The following PTPN14 variants were observed in gnomAD, a reference collection of about 807,000 sequenced individuals.
PTPN14 encodes protein tyrosine phosphatase non-receptor type 14, also known as tyrosine-protein phosphatase non-receptor type 14.
PTPN14 carries 53 observed loss-of-function variants against 126.8 expected under a neutral mutation model. That is an observed-to-expected ratio of 0.42 (90% CI 0.34 to 0.53). The LOEUF (loss-of-function observed/expected upper bound fraction) is 0.53. PTPN14 is among the 20% of genes least tolerant of loss of function. The pLI is 0.08. For missense variants in PTPN14, 1,257 were observed against 1,552.9 expected, an observed-to-expected ratio of 0.81 and a Z score of 3.20; for synonymous variants, 630 against 599.3, an observed-to-expected ratio of 1.05 and a Z score of -0.75.
chr1:214,483,406 G>A (rs1164757615), intron 1 of PTPN14: 45 of 1,566,140 alleles, frequency 2.9e-5, no homozygotes, highest in East Asian at 4.5e-5. Context: ...CAGGCCGACC[G>A]GGTGGGCACT....
chr1:214,428,777 A>C (rs1659734133), intron 3 of PTPN14, among the ~76,000 whole-genome samples: 1 of 152,208 alleles, frequency 6.6e-6, no homozygotes, highest in Admixed American at 6.5e-5. Flanking sequence ...GCCCAAATAA[A>C]GGGTATTTCC....
chr1:214,396,289 G>A (rs1422207745), intron 8 of PTPN14, among the ~76,000 whole-genome samples: 3 of 152,126 alleles, frequency 2.0e-5, no homozygotes, highest in African/African-American at 7.2e-5. Context: ...GGATGGATGA[G>A]CTCTTTACCT....
chr1:214,372,704 C>G lies in PTPN14; in HGVS notation c.3036+7G>C, dbSNP rs1658247200. The G allele has an allele frequency of 6.2e-7, 1 of 1,614,038 alleles. No homozygotes were observed. The highest frequency in any genetic ancestry group is 8.5e-7 in the Non-Finnish European group (1 of 1,179,968). On this transcript the variant is annotated splice_region_variant and intron_variant, in intron 16 of 18. Transcript: ENST00000366956. ...AAAAAGGATGTGGAGTAGGCCATTC[C>G]CCTTACCTCCTCTGCAGTGACCATG...
chr1:214,464,113 T>C (rs537356223), intron 2 of PTPN14, among the ~76,000 whole-genome samples: 2 of 151,228 alleles, frequency 1.3e-5, no homozygotes, highest in Non-Finnish European at 2.9e-5. Flanking sequence ...ACCTCTGTTT[T>C]ACAGGCTCCC....
chr1:214,385,699 T>C (rs1162855047), intron 12 of PTPN14, among the ~76,000 whole-genome samples: 1 of 151,784 alleles, frequency 6.6e-6, no homozygotes, highest in Admixed American at 6.6e-5. Context: ...AAACAGAAAA[T>C]CAGAGAAGGT....
chr1:214,395,002 G>C lies in PTPN14; in HGVS notation c.759-16C>G. ...GTCATTCCACCTGGTTAGAAGAAAT[G>C]TCACTGTGTTTACTCAACAATGTTC... On this transcript the variant is annotated splice_polypyrimidine_tract_variant and intron_variant, in intron 8 of 18. Transcript: ENST00000366956. The C allele has an allele frequency of 6.3e-7, 1 of 1,592,724 alleles. No homozygotes were observed.
chr1:214,382,703 A>G (rs1173950169), intron 13 of PTPN14, among the ~76,000 whole-genome samples: 1 of 152,240 alleles, frequency 6.6e-6, no homozygotes, highest in East Asian at 1.9e-4. Context: ...ATATGTATGT[A>G]TATATGTATG....
rs565866553 is a variant in PTPN14, at chr1:214,483,468, C to A, written c.-154-18511G>T. 2.9e-5 allele frequency: 26 copies of A among 890,066 alleles called. No homozygotes were observed. In the African/African-American group the frequency reaches 3.0e-4, roughly 10 times the overall value. The allele number at this position is 890,066 out of a possible 1,614,324, so 55.1% of individuals were successfully genotyped here. On this transcript the variant is annotated intron_variant, in intron 1 of 18. Transcript: ENST00000366956. ...AAGCCTCGCCTAGTAATCTTGCCTG[C>A]GACCCTTCCCCACCCGCCTCCAGTT...
At chr1:214,461,827 AC>A (rs1476555272) in intron 2 of PTPN14, among the ~76,000 whole-genome samples, 2 of 152,036 alleles carry the variant, frequency 1.3e-5, no homozygotes, top group Non-Finnish European at 2.9e-5. Context: ...AAAAGACTAA[AC>A]TTTTTGTTAT....
chr1:214,401,847 A>C, intron 6 of PTPN14, 75 bp from the exon 7 acceptor site: 1 of 1,207,158 alleles, frequency 8.3e-7, no homozygotes, highest in South Asian at 1.3e-5. Flanking sequence ...CTGATGGCAA[A>C]TTCCAGAGCT....
chr1:214,479,755 CTAAA>C (rs1357866205), intron 1 of PTPN14, among the ~76,000 whole-genome samples: 1 of 151,914 alleles, frequency 6.6e-6, no homozygotes, highest in Non-Finnish European at 1.5e-5. Context: ...TCTATTTTAC[CTAAA>C]TATTTTAATA....
At chr1:214,426,832 G>T (rs1386365186) in intron 3 of PTPN14, among the ~76,000 whole-genome samples, 2 of 152,188 alleles carry the variant, frequency 1.3e-5, no homozygotes, top group Non-Finnish European at 2.9e-5. Context: ...TGCCAGTGTG[G>T]GGCAGTCAGT....
In PTPN14 at chr1:214,376,384, C is replaced by G. The variant is rs560225632; in HGVS notation, c.2742G>C (p.Glu914Asp). Residue 914 changes from glutamate (E) to aspartate (D), a missense_variant, in exon 15 of 19, where the codon GAG (glutamate) becomes GAC (aspartate). By Grantham distance (45) the Glu-to-Asp change is conservative. Transcript: ENST00000366956. ...CATTCGCCTTTTTCTTTGGAATTTG[C>G]TCATATTCTGTGAACACCATTCCCT... ...LEEGMVFTEY[E>D]QIPKKKANGI... 2 of 1,614,126 alleles carry G rather than the reference C, an allele frequency of 1.2e-6. No homozygotes were observed. Among genetic ancestry groups the G allele is most frequent in the Admixed American group, 1.7e-5 (1 of 60,022 alleles).
intron 1 of PTPN14, chr1:214,533,071 C>G: frequency 1.3e-6 from 1 of 740,776 alleles, no homozygotes; most frequent in Non-Finnish European, 2.5e-6. Context: ...ACTCACGGAG[C>G]TGGGACGTAC....
intron 1 of PTPN14, among the ~76,000 whole-genome samples, chr1:214,489,494 G>C (rs192716712): frequency 6.8e-4 from 104 of 152,250 alleles, no homozygotes; most frequent in Admixed American, 1.5e-3. Flanking sequence ...TTTTCATCCA[G>C]TCAACTCCTA....
chr1:214,474,273 T>G, intron 1 of PTPN14, among the ~76,000 whole-genome samples: 1 of 152,216 alleles, frequency 6.6e-6, no homozygotes, highest in East Asian at 1.9e-4. Context: ...AAAACATCCT[T>G]TGAGCAGTTG....
chr1:214,464,779 G>T lies in PTPN14; in HGVS notation c.25C>A (p.Arg9=), dbSNP rs769789434. The T allele has an allele frequency of 6.2e-7, 1 of 1,614,264 alleles. No individual in the cohort carries two copies. Among genetic ancestry groups the T allele is most frequent in the South Asian group, 1.1e-5 (1 of 91,090 alleles). The change falls in exon 2 of 19, where the codon CGG becomes AGG. Residue 9 remains arginine (R), a synonymous_variant. Transcript: ENST00000366956. ...CTCAGGACGTTGTAGCGCCGTGTCCGGCGGAGCTTCAGACCAAAAGGCATG... is the reference window on the plus strand; with the variant it reads ...CTCAGGACGTTGTAGCGCCGTGTCCTGCGGAGCTTCAGACCAAAAGGCATG... MPFGLKLR[R]TRRYNVLSKN...
In PTPN14 at chr1:214,354,220, G is replaced by A. The variant is rs941880135; in HGVS notation, c.*3702C>T. On this transcript the variant is annotated 3_prime_UTR_variant, in exon 19 of 19. Transcript: ENST00000366956. ...CAGTTTAGCTATAATTTTAAAAAGC[G>A]GTTCCTCTTCTCAATCTACAAAATT... 6 of 152,246 alleles carry A rather than the reference G, an allele frequency of 3.9e-5. No individual in the cohort carries two copies. Among genetic ancestry groups the A allele is most frequent in the African/African-American group, 9.6e-5 (4 of 41,542 alleles). 9.4% of individuals were successfully genotyped at this position (152,246 alleles called of 1,614,324 possible). A position where few individuals can be genotyped will look rare whatever the true frequency, so the allele number is the denominator to read the frequency against.
At chr1:214,534,733 A>AATAAATAAATAAATAAATAC (rs1312992668) in intron 1 of PTPN14, among the ~76,000 whole-genome samples, 14 of 151,746 alleles carry the variant, frequency 9.2e-5, no homozygotes, top group South Asian at 4.2e-4. Flanking sequence ...TAAATAAATA[A>AATAAATAAATAAATAAATAC]ATAAATAAAA....
Sources: gnomAD v4.1 joint callset for allele counts (sites outside exome capture counted in the v4.1 genomes callset) on GRCh38, gnomAD v4.1.1 for gene constraint, MANE v1.5 for transcripts, NCBI Gene and HGNC (gene_info 2026-07-23, HGNC 2026-07-21) for gene names.